MOBP: variants seen among roughly 807,000 people sequenced by gnomAD.
MOBP encodes the protein myelin associated oligodendrocyte basic protein, also known as myelin-associated oligodendrocyte basic protein.
MOBP carries 5 observed loss-of-function variants against 15.0 expected under a neutral mutation model. The ratio of observed to expected loss-of-function variants is 0.33; its 90% CI spans 0.17 to 0.70. The LOEUF (loss-of-function observed/expected upper bound fraction) is 0.70. MOBP is among the 30% of genes least tolerant of loss of function. The pLI, the probability that MOBP is intolerant of heterozygous loss-of-function variation, is 0.67. For synonymous variants in MOBP, 88 were observed against 99.0 expected (o/e 0.89, Z 0.66); for missense variants, 188 against 257.8 (o/e 0.73, Z 1.85).
At chr3:39,526,199 A>C (rs997363629), downstream of MOBP, 1 of 152,226 alleles carries the variant, frequency 6.6e-6, no homozygotes, top group Admixed American at 6.5e-5. Flanking sequence ...TCTCTTCCAC[A>C]TCATCCAGAA....
At chr3:39,485,140 G>A (rs942017908) in intron 2 of MOBP, among the ~76,000 whole-genome samples, 1 of 152,186 alleles carries the variant, frequency 6.6e-6, no homozygotes, top group Non-Finnish European at 1.5e-5. Context: ...ACCTGGCACT[G>A]GTTTGTCACC....
chr3:39,468,992 G>GTGTGTGTATATATACATATATACA (rs1559411833), intron 1 of MOBP, among the ~76,000 whole-genome samples: 12 of 99,890 alleles, frequency 1.2e-4, no homozygotes, highest in South Asian at 3.0e-4. Context: ...ATATACATAT[G>GTGTGTGTATATATACATATATACA]TGTGTGTATA....
chr3:39,499,237 G>A (rs1048178311), intron 2 of MOBP, among the ~76,000 whole-genome samples: 8 of 152,192 alleles, frequency 5.3e-5, no homozygotes, highest in South Asian at 2.1e-4. Flanking sequence ...GCTGAACTTC[G>A]CGACCTATGT....
At chr3:39,478,613 A>G (rs1443708384) in intron 1 of MOBP, among the ~76,000 whole-genome samples, 2 of 151,966 alleles carry the variant, frequency 1.3e-5, no homozygotes, top group Non-Finnish European at 1.5e-5. Context: ...TTTTCCCTGT[A>G]CAGCAGATTG....
chr3:39,519,319 C>T (rs4129648), downstream of MOBP, among the ~76,000 whole-genome samples: 29,488 of 152,082 alleles, frequency 0.19, 2,951 homozygotes, highest in Middle Eastern at 0.23. Context: ...TTAGCAAAGC[C>T]TTAGTTTTCT....
At chr3:39,471,074 GT>G (rs2125620866) in intron 1 of MOBP, among the ~76,000 whole-genome samples, 1 of 151,890 alleles carries the variant, frequency 6.6e-6, no homozygotes, top group South Asian at 2.1e-4. Flanking sequence ...TGCATTAAAT[GT>G]TAAATGTAAC....
chr3:39,497,773 CAG>C (rs2042908452), intron 2 of MOBP, among the ~76,000 whole-genome samples: 1 of 152,216 alleles, frequency 6.6e-6, no homozygotes, highest in Admixed American at 6.5e-5. Flanking sequence ...TTCAATTTAA[CAG>C]AGTTTAATTC....
downstream of MOBP, among the ~76,000 whole-genome samples, chr3:39,506,662 TCTTTGACACGTCTAG>T (rs1438901801): frequency 6.6e-6 from 1 of 152,172 alleles, no homozygotes; most frequent in Non-Finnish European, 1.5e-5. Flanking sequence ...GGGCATTCAT[TCTTTGACACGTCTAG>T]CTTGTTAAGG....
At chr3:39,470,223 T>G (rs1332817289) in intron 1 of MOBP, among the ~76,000 whole-genome samples, 1 of 152,196 alleles carries the variant, frequency 6.6e-6, no homozygotes, top group Non-Finnish European at 1.5e-5. Flanking sequence ...TTCCTACATG[T>G]TCTAGTACTC....
downstream of MOBP, among the ~76,000 whole-genome samples, chr3:39,504,013 G>A (rs1321549858): frequency 3.3e-5 from 5 of 152,150 alleles, no homozygotes; most frequent in Non-Finnish European, 5.9e-5. Flanking sequence ...TACACAATGA[G>A]CAATGCTGAC....
chr3:39,519,625 T>G (rs2043242356), downstream of MOBP, among the ~76,000 whole-genome samples: 1 of 152,118 alleles, frequency 6.6e-6, no homozygotes, highest in East Asian at 1.9e-4. Flanking sequence ...TCAAATCATC[T>G]AGTTCATTTC....
At chr3:39,529,458 A>G (rs942018104), downstream of MOBP, 4 of 152,106 alleles carry the variant, frequency 2.6e-5, no homozygotes, top group Admixed American at 6.5e-5. Flanking sequence ...AACTAAATGT[A>G]TAATAAAATG....
At chr3:39,469,396 T>C (rs2042435340) in intron 1 of MOBP, among the ~76,000 whole-genome samples, 1 of 151,384 alleles carries the variant, frequency 6.6e-6, no homozygotes, top group South Asian at 2.1e-4. Context: ...TTAAAATTTA[T>C]TTTAATTGGA....
chr3:39,495,070 A>G (rs2042858269), intron 2 of MOBP, among the ~76,000 whole-genome samples: 2 of 152,170 alleles, frequency 1.3e-5, no homozygotes, highest in African/African-American at 4.8e-5. Context: ...TGTACCCAGG[A>G]GTAAACTGCT....
exon 5 of MOBP, chr3:39,524,508 T>A (rs1359657424): frequency 6.6e-6 from 1 of 152,050 alleles, no homozygotes; most frequent in Non-Finnish European, 1.5e-5. Flanking sequence ...AAAAAAAAGA[T>A]GTTATACAAC....
At chr3:39,505,807 C>T (rs1250593420), downstream of MOBP, among the ~76,000 whole-genome samples, 2 of 152,188 alleles carry the variant, frequency 1.3e-5, no homozygotes, top group Non-Finnish European at 2.9e-5. Flanking sequence ...AGATCAAGCT[C>T]ACAACCTGCC....
chr3:39,526,750 C>T (rs1339711713), downstream of MOBP: 2 of 151,134 alleles, frequency 1.3e-5, no homozygotes, highest in African/African-American at 4.9e-5. Context: ...GTAAATATTT[C>T]CACAATGCAG....
intron 2 of MOBP, among the ~76,000 whole-genome samples, chr3:39,485,192 A>G (rs1037695639): frequency 1.3e-5 from 2 of 152,246 alleles, no homozygotes; most frequent in African/African-American, 4.8e-5. Flanking sequence ...ATTTGTAAAC[A>G]TAATAGTTGT....
intron 1 of MOBP, among the ~76,000 whole-genome samples, chr3:39,468,840 T>C (rs1246819195): frequency 3.5e-5 from 4 of 115,662 alleles, no homozygotes; most frequent in Non-Finnish European, 6.4e-5. Flanking sequence ...TGTGTGTATA[T>C]ATACATATAT....
Sources: allele counts gnomAD v4.1 joint callset (sites outside exome capture counted in the v4.1 genomes callset), GRCh38; gene constraint gnomAD v4.1.1; transcripts MANE v1.5; gene names NCBI Gene and HGNC (gene_info 2026-07-23, HGNC 2026-07-21).